SRRM1: variants seen among roughly 807,000 people sequenced by gnomAD.
The protein encoded by SRRM1 is serine/arginine repetitive matrix protein 1.
Under a neutral mutation model 110.2 loss-of-function variants are expected in SRRM1, and 19 were observed. The ratio of observed to expected loss-of-function variants is 0.17; its 90% CI spans 0.12 to 0.25. The LOEUF (loss-of-function observed/expected upper bound fraction) is 0.25. Ranked by LOEUF, SRRM1 falls within the 10% of genes least tolerant of loss-of-function variation. The pLI is 1.00. For synonymous variants in SRRM1, 443 were observed against 414.9 expected, an observed-to-expected ratio of 1.07 and a Z score of -0.82; for missense variants, 918 against 1,145.8, an observed-to-expected ratio of 0.80 and a Z score of 2.87.
chr1:24,670,615 C>T (rs1213135298), intron 15 of SRRM1, among the ~76,000 whole-genome samples: 1 of 152,018 alleles, frequency 6.6e-6, no homozygotes, highest in Non-Finnish European at 1.5e-5. Context: ...CCTCAGCCTC[C>T]CAAGTAGCTG....
At chr1:24,643,680 T>G in intron 1 of SRRM1, 1 of 340,758 alleles carries the variant, frequency 2.9e-6, no homozygotes, top group Non-Finnish European at 5.3e-6. Flanking sequence ...TCCTGGGGCC[T>G]AGCGGAGCCG....
rs1655247252 is a variant in SRRM1 at position 24,643,635 on chromosome 1, GGGCCTGCAGGCCGAGCGCCGTGCGT to G, written c.21+290_21+314del. 4 of 386,060 alleles carry G rather than the reference GGGCCTGCAGGCCGAGCGCCGTGCGT, an allele frequency of 1.0e-5. No homozygotes were observed. In the South Asian group the frequency reaches 3.5e-4, roughly 34 times the overall value. 23.9% of individuals were successfully genotyped at this position (386,060 alleles called of 1,614,324 possible). On this transcript the variant is annotated intron_variant, in intron 1 of 16. Transcript: ENST00000323848. ...TACCTCGCTGCCCGCCTGCCTGGCG[GGGCCTGCAGGCCGAGCGCCGTGCGT>G]GCCGCCGGGTCCTGGGGCCTAGCGG... is the stretch of plus-strand genomic sequence containing the variant.
intron 5 of SRRM1, 37 bp downstream of exon 5, chr1:24,650,123 G>A (rs1367072032): frequency 1.4e-6 from 2 of 1,478,668 alleles, no homozygotes; most frequent in African/African-American, 2.9e-5. Flanking sequence ...TGTTTTACAG[G>A]TACTTTAGGT....
intron 10 of SRRM1, 163 bp downstream of exon 10, chr1:24,660,962 A>G: frequency 1.8e-6 from 1 of 549,976 alleles, no homozygotes; most frequent in Non-Finnish European, 3.3e-6. Context: ...GGAATCCCCC[A>G]TTCCAGAATT....
rs1290046342 is a variant in SRRM1, at chr1:24,652,510, G to C, written c.802G>C (p.Glu268Gln). 3 of 1,600,064 alleles carry C rather than the reference G, an allele frequency of 1.9e-6. No homozygotes were observed. The highest frequency in any genetic ancestry group is 1.1e-5 in the South Asian group (1 of 89,626). ...EPSPEKNSKK[E>Q]KEKEKTRPRS... ...TTCTCCGGAAAAAAATTCCAAAAAAGAAAAGGAGAAGGAGAAGACCCGACC... is the reference window on the plus strand; with the variant it reads ...TTCTCCGGAAAAAAATTCCAAAAAACAAAAGGAGAAGGAGAAGACCCGACC... Residue 268 changes from glutamate to glutamine, a missense_variant, in exon 7 of 17, where the codon GAA (glutamate) becomes CAA (glutamine). Coordinates refer to ENST00000323848, the MANE Select transcript of SRRM1 (RefSeq NM_005839.4).
rs1002311013 is a variant in SRRM1 at position 24,652,592 on chromosome 1, A to G, written c.884A>G (p.His295Arg). Residue 295 changes from histidine (H) to arginine (R), a missense_variant, in exon 7 of 17, where the codon CAC (histidine) becomes CGC (arginine). His to Arg is a conservative substitution (Grantham distance 29). Around this residue, in one of 5 missense-constraint regions of SRRM1, gnomAD observed 456 missense variants for 453.5 expected, o/e 1.01. Transcript: ENST00000323848. ...CGGACGCGGTCCCGCTCTCCTTCTC[A>G]CACTCGACCTAGACGGCGCCATAGA... ...RSRTRSRSPS[H>R]TRPRRRHRSR... The G allele has an allele frequency of 1.2e-6, 2 of 1,612,618 alleles. No homozygotes were observed. The highest frequency in any genetic ancestry group is 1.7e-6 in the Non-Finnish European group (2 of 1,179,630).
chr1:24,654,721 A>T, intron 8 of SRRM1, 134 bp from the exon 9 acceptor site: 1 of 1,022,712 alleles, frequency 9.8e-7, no homozygotes, highest in Non-Finnish European at 1.4e-6. Context: ...ATTCTTTTGG[A>T]CTCATTTATG....
At chr1:24,661,466 CTG>C in intron 11 of SRRM1, 70 bp downstream of exon 11, 1 of 1,102,620 alleles carries the variant, frequency 9.1e-7, no homozygotes, top group Non-Finnish European at 1.3e-6. Flanking sequence ...ATATAAACAT[CTG>C]TGTGTGCAGC....
At chr1:24,652,029 A>AATATATATATAGATAT (rs1661034250) in intron 6 of SRRM1, among the ~76,000 whole-genome samples, 1 of 79,846 alleles carries the variant, frequency 1.3e-5, no homozygotes, top group Non-Finnish European at 2.6e-5. Context: ...CTGTACTAAA[A>AATATATATATAGATAT]ATATATATAT....
At chr1:24,653,445 AT>A (rs1429847847) in intron 8 of SRRM1, among the ~76,000 whole-genome samples, 2 of 152,132 alleles carry the variant, frequency 1.3e-5, no homozygotes, top group Admixed American at 1.3e-4. Flanking sequence ...ATTTTTATGA[AT>A]TTTTTATAAA....
intron 9 of SRRM1, 53 bp downstream of exon 9, chr1:24,655,182 G>T (rs773841287): frequency 1.9e-6 from 3 of 1,584,598 alleles, no homozygotes; most frequent in East Asian, 4.5e-5. Flanking sequence ...GCTACAAAGC[G>T]TAGTCAGTTA....
At chr1:24,644,171 C>T (rs1446479496) in intron 1 of SRRM1, among the ~76,000 whole-genome samples, 2 of 152,122 alleles carry the variant, frequency 1.3e-5, no homozygotes, top group Non-Finnish European at 2.9e-5. Context: ...CTGCCCATCG[C>T]CTGCAGGCAG....
At position 24,652,441 on chromosome 1, in the gene SRRM1, C is replaced by T. The variant is rs1177909720; in HGVS notation, c.733C>T (p.Leu245=). Residue 245 remains leucine, a synonymous_variant, in exon 7 of 17, where the codon CTG becomes TTG. Coordinates refer to ENST00000323848, the MANE Select transcript of SRRM1 (RefSeq NM_005839.4). ...AAGCTTTTGTTTCCACAGTGACATT[C>T]TGAAAGTTCCCAAACCTGAACCTAT... ...VQEATSTSDI[L]KVPKPEPIPE... 4.2e-6 allele frequency: 6 copies of T among 1,444,266 alleles called. No individual in the cohort carries two copies. Among genetic ancestry groups the T allele is most frequent in the Non-Finnish European group, 5.6e-6 (6 of 1,072,996 alleles). The allele number at this position is 1,444,266 out of a possible 1,614,324, so 89.5% of individuals were successfully genotyped here.
chr1:24,648,729 A>T, intron 3 of SRRM1, 130 bp from the exon 4 acceptor site: 1 of 705,442 alleles, frequency 1.4e-6, no homozygotes, highest in South Asian at 1.9e-5. Flanking sequence ...AATAGTAAGG[A>T]CTATATATAT....
chr1:24,655,693 A>G (rs1016755878), intron 9 of SRRM1, among the ~76,000 whole-genome samples: 3 of 152,128 alleles, frequency 2.0e-5, no homozygotes, highest in Non-Finnish European at 2.9e-5. Context: ...CCTGCCAGGC[A>G]AGTAGAATGC....
At chr1:24,649,145 T>C (rs556242060) in intron 4 of SRRM1, 116 bp downstream of exon 4, 25 of 934,520 alleles carry the variant, frequency 2.7e-5, no homozygotes, top group Non-Finnish European at 4.0e-5. Context: ...TTTGCTGTAC[T>C]GTATTTAAAC....
intron 13 of SRRM1, 63 bp downstream of exon 13, chr1:24,666,988 G>A (rs1163112049): frequency 1.0e-6 from 1 of 971,576 alleles, no homozygotes; most frequent in Admixed American, 2.3e-5. Context: ...GATAACATCA[G>A]ATGAGTAATG....
chr1:24,651,283 T>C, intron 5 of SRRM1, 126 bp from the exon 6 acceptor site: 1 of 747,830 alleles, frequency 1.3e-6, no homozygotes, highest in Non-Finnish European at 2.2e-6. Context: ...CATGTCTTAT[T>C]TCCATAGGGA....
intron 8 of SRRM1, 37 bp from the exon 9 acceptor site, chr1:24,654,818 G>C (rs1400837413): frequency 1.2e-6 from 2 of 1,611,232 alleles, no homozygotes; most frequent in Admixed American, 3.3e-5. Context: ...TTCTTTATAA[G>C]TGTGCAATTA....
Sources: gnomAD v4.1 joint callset for allele counts (sites outside exome capture counted in the v4.1 genomes callset) on GRCh38, gnomAD v4.1.1 for gene constraint, gnomAD v4.1.1 regional missense constraint, MANE v1.5 for transcripts, NCBI Gene and HGNC (gene_info 2026-07-23, HGNC 2026-07-21) for gene names.